The following SPEN variants were observed in gnomAD, a reference collection of about 807,000 sequenced individuals.
The protein encoded by SPEN is spen family transcriptional repressor.
Under a neutral mutation model 269.9 loss-of-function variants are expected in SPEN, and 18 were observed. That is an observed-to-expected ratio of 0.07 (90% CI 0.05 to 0.10). The LOEUF is 0.10. SPEN is among the 10% of genes least tolerant of loss of function. The pLI, the probability that SPEN is intolerant of heterozygous loss-of-function variation, is 1.00. For missense variants in SPEN, 3,822 were observed against 4,631.2 expected, an observed-to-expected ratio of 0.83 and a Z score of 5.07; for synonymous variants, 1,726 against 1,765.7, an observed-to-expected ratio of 0.98 and a Z score of 0.56.
At chr1:15,902,076 G>A (rs1025038917) in intron 3 of SPEN, among the ~76,000 whole-genome samples, 1 of 151,672 alleles carries the variant, frequency 6.6e-6, no homozygotes, top group Non-Finnish European at 1.5e-5. Context: ...CTACAGGCAT[G>A]TGCCACCACG....
chr1:15,936,008 T>TCCTGCC lies in SPEN; in HGVS notation c.9774_9779dup (p.Ala3262_Pro3263dup). On this transcript the variant is annotated inframe_insertion, in exon 11 of 15. Coordinates refer to ENST00000375759, the MANE Select transcript of SPEN (RefSeq NM_015001.3). ...CCCCCGTCCCTGTCCCTGTCCCCCTTCCTGCCCCTGCTCCTGCCCCTCATG... is the reference window on the plus strand; with the variant it reads ...CCCCCGTCCCTGTCCCTGTCCCCCTTCCTGCCCCTGCCCCTGCTCCTGCCCCTCATG... 1 of 1,311,720 alleles carries TCCTGCC rather than the reference T, an allele frequency of 7.6e-7. No homozygotes were observed. Among genetic ancestry groups the TCCTGCC allele is most frequent in the Non-Finnish European group, 1.0e-6 (1 of 998,550 alleles). 81.3% of individuals were successfully genotyped at this position (1,311,720 alleles called of 1,614,324 possible). A position where few individuals can be genotyped will look rare whatever the true frequency, so the allele number is the denominator to read the frequency against.
intron 1 of SPEN, among the ~76,000 whole-genome samples, chr1:15,862,983 G>A (rs753758360): frequency 2.9e-4 from 44 of 152,172 alleles, no homozygotes; most frequent in Non-Finnish European, 4.0e-4. Context: ...GGATGGCTTC[G>A]ATCTCCTGAC....
rs745655301 is a variant in SPEN at position 15,931,449 on chromosome 1, A to G, written c.5209A>G (p.Thr1737Ala). 3.1e-6 allele frequency: 5 copies of G among 1,613,756 alleles called. No individual in the cohort carries two copies. In the East Asian group the frequency reaches 8.9e-5, roughly 29 times the overall value. ...QPPYLDAKPP[T>A]PGASFSQAES... ...GCCTTATCTGGATGCCAAGCCTCCA[A>G]CTCCCGGGGCCTCGTTTTCCCAGGC... Residue 1737 changes from threonine (T) to alanine (A), a missense_variant, in exon 11 of 15, where the codon ACT (threonine) becomes GCT (alanine). Coordinates refer to ENST00000375759, the MANE Select transcript of SPEN (RefSeq NM_015001.3). This position sits in a 1 kb window ranked among gnomAD's most constrained non-coding sequence, Gnocchi z 4.8.
intron 3 of SPEN, among the ~76,000 whole-genome samples, chr1:15,899,475 C>T (rs1436994342): frequency 6.7e-6 from 1 of 149,388 alleles, no homozygotes; most frequent in South Asian, 2.1e-4. Flanking sequence ...CCACTGCGCT[C>T]GGCAGTTTGT....
intron 3 of SPEN, among the ~76,000 whole-genome samples, chr1:15,886,511 T>A (rs568483979): frequency 6.6e-6 from 1 of 152,224 alleles, no homozygotes; most frequent in Non-Finnish European, 1.5e-5. Flanking sequence ...GCGTGGTGAC[T>A]GGGCCAGGCG....
chr1:15,897,753 C>T (rs970708598), intron 3 of SPEN, among the ~76,000 whole-genome samples: 14 of 152,166 alleles, frequency 9.2e-5, no homozygotes, highest in Non-Finnish European at 1.9e-4. Context: ...CCTGCCTCGG[C>T]CTCCCAAAGT....
intron 3 of SPEN, among the ~76,000 whole-genome samples, chr1:15,901,928 G>GTTTTTTTTTTTT (rs35730805): frequency 1.0e-5 from 1 of 100,280 alleles, no homozygotes; most frequent in Non-Finnish European, 1.9e-5. Flanking sequence ...TATTTATTTA[G>GTTTTTTTTTTTT]TTTTTTTTTT....
intron 5 of SPEN, among the ~76,000 whole-genome samples, chr1:15,913,268 A>G (rs2071026469): frequency 6.6e-6 from 1 of 152,184 alleles, no homozygotes; most frequent in African/African-American, 2.4e-5. Flanking sequence ...CTTTTCCCAT[A>G]CATTGCATTA....
Position 15,929,272 on chromosome 1 carries a change from A to T in SPEN, c.3032A>T (p.Asp1011Val). ...AAGAAAAGCAGTCCAGAGATGGAGGATGCTCGCGTGCTTTCAAAAAAGCAG... is the reference window on the plus strand; with the variant it reads ...AAGAAAAGCAGTCCAGAGATGGAGGTTGCTCGCGTGCTTTCAAAAAAGCAG... ...EVKKSSPEME[D>V]ARVLSKKQPD... Residue 1011 changes from aspartate (D) to valine (V), a missense_variant, in exon 11 of 15, where the codon GAT becomes GTT. Around this residue, in one of 16 missense-constraint regions of SPEN, gnomAD observed 572 missense variants for 582.6 expected, o/e 0.98. Transcript: ENST00000375759. The surrounding 1 kb of genome is among the most constrained non-coding windows in gnomAD (Gnocchi z 5.8). 1 of 1,614,210 alleles carries T rather than the reference A, an allele frequency of 6.2e-7. No individual in the cohort carries two copies. Among genetic ancestry groups the T allele is most frequent in the Non-Finnish European group, 8.5e-7 (1 of 1,180,040 alleles).
chr1:15,871,325 T>G (rs987461985), intron 1 of SPEN, among the ~76,000 whole-genome samples: 5 of 151,986 alleles, frequency 3.3e-5, no homozygotes, highest in Admixed American at 6.6e-5. Context: ...AGAACCCTAG[T>G]CACTTTTCTC....
intron 1 of SPEN, among the ~76,000 whole-genome samples, chr1:15,849,618 G>A (rs1220741197): frequency 6.6e-6 from 1 of 152,028 alleles, no homozygotes; most frequent in Non-Finnish European, 1.5e-5. Context: ...AACCAGGCGG[G>A]GGCGGGGGGA....
At chr1:15,859,126 G>A (rs533987981) in intron 1 of SPEN, among the ~76,000 whole-genome samples, 2 of 137,094 alleles carry the variant, frequency 1.5e-5, no homozygotes, top group South Asian at 2.3e-4. Flanking sequence ...TATTGCAGTC[G>A]GTTTTCTTTT....
intron 10 of SPEN, among the ~76,000 whole-genome samples, chr1:15,925,389 G>A (rs1291137496): frequency 6.6e-6 from 1 of 152,106 alleles, no homozygotes; most frequent in Non-Finnish European, 1.5e-5. Flanking sequence ...CAGAGTCCCC[G>A]TACATGGTCC....
rs532904941 is a variant in SPEN at position 15,922,233 on chromosome 1, CT to C, written c.1750-5del. The C allele has an allele frequency of 0.018, 19,940 of 1,110,198 alleles. 22 individuals are homozygous for C. Among genetic ancestry groups the C allele is most frequent in the African/African-American group, 0.031 (1,935 of 61,744 alleles). The allele number at this position is 1,110,198 out of a possible 1,614,324, so 68.8% of individuals were successfully genotyped here. On this transcript the variant is annotated splice_polypyrimidine_tract_variant and intron_variant, in intron 9 of 14. Transcript: ENST00000375759. ...AATTTGAAACTTGCATCAAACACCT[CT>C]TTTTTTTTTTAAAGGTGGATTTTGC...
intron 8 of SPEN, among the ~76,000 whole-genome samples, chr1:15,920,627 C>CA (rs2071109021): frequency 6.6e-6 from 1 of 151,764 alleles, no homozygotes; most frequent in Non-Finnish European, 1.5e-5. Context: ...AAGTAAAATA[C>CA]AGAAGAACAA....
chr1:15,894,924 TA>T (rs1468142699), intron 3 of SPEN, among the ~76,000 whole-genome samples: 4 of 152,040 alleles, frequency 2.6e-5, no homozygotes, highest in Non-Finnish European at 5.9e-5. Context: ...TTTACCTTTT[TA>T]TTTTTATTTT....
intron 10 of SPEN, among the ~76,000 whole-genome samples, chr1:15,925,970 C>G (rs2071162149): frequency 6.6e-6 from 1 of 152,202 alleles, no homozygotes; most frequent in Admixed American, 6.5e-5. Flanking sequence ...TATTTATGAG[C>G]TGCCTCGTCA....
Position 15,916,240 on chromosome 1 carries a change from T to C in SPEN, c.1356T>C (p.His452=), listed in dbSNP as rs981542578. 5.6e-6 allele frequency: 9 copies of C among 1,613,670 alleles called. No homozygotes were observed. Among genetic ancestry groups the C allele is most frequent in the South Asian group, 1.1e-5 (1 of 90,944 alleles). The change falls in exon 6 of 15, where the codon CAT becomes CAC. Residue 452 remains histidine, a synonymous_variant. Transcript: ENST00000375759. ...ACCTTGAAAAAACCACTACTTACCA[T>C]GACCTTCGCAACATCTTCCAGCGCT... ...IGNLEKTTTY[H]DLRNIFQRFG...
chr1:15,864,212 A>C (rs1162870686), intron 1 of SPEN, among the ~76,000 whole-genome samples: 1 of 149,240 alleles, frequency 6.7e-6, no homozygotes, highest in Non-Finnish European at 1.5e-5. Flanking sequence ...TCTGTTGCCC[A>C]GGCTGGAGTG....
Sources: gnomAD v4.1 joint callset for allele counts (sites outside exome capture counted in the v4.1 genomes callset) on GRCh38, gnomAD v4.1.1 for gene constraint, gnomAD v4.1.1 regional missense constraint, Gnocchi (gnomAD v3.1) non-coding constraint, MANE v1.5 for transcripts, NCBI Gene and HGNC (gene_info 2026-07-23, HGNC 2026-07-21) for gene names.